DPYD: variants seen among roughly 807,000 people sequenced by gnomAD.
DPYD encodes the protein dihydropyrimidine dehydrogenase [NADP(+)].
Under a neutral mutation model 116.2 loss-of-function variants are expected in DPYD, and 109 were observed. The observed-to-expected ratio is 0.94, with a 90% confidence interval of 0.80 to 1.10. The LOEUF is 1.10. Ranked by LOEUF, DPYD falls within the 50% of genes least tolerant of loss-of-function variation. The pLI is 0.00. For missense variants in DPYD, 1,302 were observed against 1,254.5 expected, an observed-to-expected ratio of 1.04 and a Z score of -0.57; for synonymous variants, 440 against 432.0, an observed-to-expected ratio of 1.02 and a Z score of -0.23.
intron 20 of DPYD, among the ~76,000 whole-genome samples, chr1:97,171,865 G>T (rs1472582939): frequency 1.3e-5 from 2 of 152,098 alleles, no homozygotes; most frequent in East Asian, 3.9e-4. Flanking sequence ...ACTTAGCCTG[G>T]CTGTGCATTT....
chr1:97,111,520 C>T (rs576059153), intron 20 of DPYD, among the ~76,000 whole-genome samples: 27 of 151,834 alleles, frequency 1.8e-4, no homozygotes, highest in Admixed American at 1.6e-3. Context: ...CAGATCTTTG[C>T]ATAGTTGGAT....
chr1:97,283,367 G>C (rs1451391593), intron 18 of DPYD, among the ~76,000 whole-genome samples: 6 of 151,966 alleles, frequency 3.9e-5, no homozygotes, highest in African/African-American at 1.2e-4. Context: ...CATTGTCTTA[G>C]TTATTATAAT....
intron 8 of DPYD, among the ~76,000 whole-genome samples, chr1:97,597,181 C>T (rs960128754): frequency 6.6e-6 from 1 of 152,164 alleles, no homozygotes. Context: ...TTTGACTATT[C>T]AAACCAACAT....
intron 16 of DPYD, among the ~76,000 whole-genome samples, chr1:97,369,294 G>A (rs973914553): frequency 1.1e-4 from 16 of 152,230 alleles, no homozygotes; most frequent in Middle Eastern, 3.4e-3. Flanking sequence ...ACCTTGAGTC[G>A]CAGGAGACAG....
At chr1:97,211,854 T>C (rs1370644602) in intron 19 of DPYD, among the ~76,000 whole-genome samples, 1 of 152,100 alleles carries the variant, frequency 6.6e-6, no homozygotes, top group African/African-American at 2.4e-5. Context: ...AATAATAGTA[T>C]ACATATCTTA....
rs77503059 is a variant in DPYD at position 97,261,364 on chromosome 1, C to T, written c.2300-26370G>A. 7.6e-3 allele frequency among the ~76,000 whole-genome samples: 1,150 copies of T among 151,946 alleles called. 14 individuals carry two copies. Among genetic ancestry groups the T allele is most frequent in the African/African-American group, 0.027 (1,104 of 41,470 alleles). On this transcript the variant is annotated intron_variant, in intron 18 of 22. Coordinates refer to ENST00000370192, the MANE Select transcript of DPYD (RefSeq NM_000110.4). ...TATTGTAAATATATGTATCTGCAATCACATCTATCCAAAATTAATGTAGAG... is the reference window on the plus strand; with the variant it reads ...TATTGTAAATATATGTATCTGCAATTACATCTATCCAAAATTAATGTAGAG...
chr1:97,138,707 A>G (rs1382840220), intron 20 of DPYD, among the ~76,000 whole-genome samples: 1 of 152,162 alleles, frequency 6.6e-6, no homozygotes, highest in Non-Finnish European at 1.5e-5. Context: ...ATAAATATGA[A>G]CTAATAAGAG....
chr1:97,456,810 G>A (rs529662803), intron 13 of DPYD, among the ~76,000 whole-genome samples: 2 of 152,180 alleles, frequency 1.3e-5, no homozygotes, highest in South Asian at 4.1e-4. Flanking sequence ...GGAAAATGGG[G>A]TAAGACAGGC....
At position 97,551,699 on chromosome 1, in the gene DPYD, A is replaced by C. The variant is rs565453668; in HGVS notation, c.1340-1955T>G. Among the ~76,000 whole-genome samples the C allele has an allele frequency of 2.0e-5, 3 of 152,240 alleles. No homozygotes were observed. In the South Asian group the frequency reaches 6.2e-4, roughly 32 times the overall value. ...TTGAGCAAGGTAGGAATAATTCCTT[A>C]GTTATCTCTGAGTCCCACAACATAA... On this transcript the variant is annotated intron_variant, in intron 11 of 22. Transcript: ENST00000370192.
chr1:97,858,617 A>G (rs900220122), intron 2 of DPYD, among the ~76,000 whole-genome samples: 1 of 152,250 alleles, frequency 6.6e-6, no homozygotes, highest in African/African-American at 2.4e-5. Flanking sequence ...TTGAAACTCA[A>G]ACTTTATTTC....
At chr1:97,346,755 T>C (rs1162090467) in intron 16 of DPYD, among the ~76,000 whole-genome samples, 1 of 151,856 alleles carries the variant, frequency 6.6e-6, no homozygotes, top group Non-Finnish European at 1.5e-5. Flanking sequence ...AGCTTCCATA[T>C]CTGTCTGGGT....
intron 20 of DPYD, among the ~76,000 whole-genome samples, chr1:97,136,427 GCA>G (rs1267901923): frequency 6.6e-6 from 1 of 152,142 alleles, no homozygotes; most frequent in African/African-American, 2.4e-5. Context: ...GGATTCAGTG[GCA>G]CTCTCCTACA....
At chr1:97,428,889 C>A (rs558722188) in intron 14 of DPYD, among the ~76,000 whole-genome samples, 17 of 151,532 alleles carry the variant, frequency 1.1e-4, no homozygotes, top group African/African-American at 3.9e-4. Flanking sequence ...GTTAATTTAG[C>A]CTGAGAAAGT....
At chr1:97,168,091 TTA>T (rs1395593243) in intron 20 of DPYD, among the ~76,000 whole-genome samples, 1 of 152,214 alleles carries the variant, frequency 6.6e-6, no homozygotes, top group African/African-American at 2.4e-5. Context: ...CAGATTCTAA[TTA>T]TAAATCTGAG....
At chr1:97,238,704 G>A (rs1367356378) in intron 18 of DPYD, among the ~76,000 whole-genome samples, 1 of 152,176 alleles carries the variant, frequency 6.6e-6, no homozygotes, top group Non-Finnish European at 1.5e-5. Context: ...TTAGACCAAA[G>A]ACTAGGGAGG....
At chr1:97,362,405 C>A (rs1300922781) in intron 16 of DPYD, among the ~76,000 whole-genome samples, 1 of 152,126 alleles carries the variant, frequency 6.6e-6, no homozygotes, top group Admixed American at 6.6e-5. Flanking sequence ...TCAATGCCAT[C>A]CCCATCAAGC....
At chr1:97,183,510 T>C (rs1217090327) in intron 20 of DPYD, among the ~76,000 whole-genome samples, 2 of 152,122 alleles carry the variant, frequency 1.3e-5, no homozygotes, top group South Asian at 2.1e-4. Flanking sequence ...TGCAGATTTA[T>C]AGAAAATCTT....
intron 19 of DPYD, among the ~76,000 whole-genome samples, chr1:97,207,874 C>T (rs1249234345): frequency 1.3e-5 from 2 of 152,086 alleles, no homozygotes; most frequent in African/African-American, 2.4e-5. Flanking sequence ...AAAGAATTCC[C>T]TCTCTATCTT....
intron 20 of DPYD, among the ~76,000 whole-genome samples, chr1:97,164,505 C>T (rs1424523337): frequency 6.6e-6 from 1 of 152,150 alleles, no homozygotes; most frequent in East Asian, 1.9e-4. Context: ...TTGCAGATGA[C>T]ATGATTCTAT....
Sources: gnomAD v4.1 joint callset for allele counts (sites outside exome capture counted in the v4.1 genomes callset) on GRCh38, gnomAD v4.1.1 for gene constraint, MANE v1.5 for transcripts, NCBI Gene and HGNC (gene_info 2026-07-23, HGNC 2026-07-21) for gene names.